Variants in RFX3 observed in about 807,000 individuals in gnomAD.
The protein encoded by RFX3 is regulatory factor X3, also known as transcription factor RFX3.
A neutral mutation model predicts 98.6 loss-of-function variants in RFX3; 14 were observed. The observed-to-expected ratio is 0.14, with a 90% CI of 0.09 to 0.22. The LOEUF (loss-of-function observed/expected upper bound fraction) is 0.22, where lower values mean the gene tolerates loss of function less well. Among genes scored for constraint, RFX3 ranks in the 10% least tolerant of loss-of-function variants. The pLI, the probability that RFX3 is intolerant of heterozygous loss-of-function variation, is 1.00. For synonymous variants in RFX3, 383 were observed against 328.4 expected (o/e 1.17, Z -1.80); for missense variants, 639 against 926.9 (o/e 0.69, Z 4.03).
At chr9:3,233,347 TGA>T (rs1358300930) in intron 15 of RFX3, among the ~76,000 whole-genome samples, 2 of 152,184 alleles carry the variant, frequency 1.3e-5, no homozygotes, top group Non-Finnish European at 2.9e-5. Context: ...CTGAGCATAC[TGA>T]GAGGAACCTG....
chr9:3,410,095 A>C (rs1254566510), intron 1 of RFX3, among the ~76,000 whole-genome samples: 1 of 150,604 alleles, frequency 6.6e-6, no homozygotes, highest in Admixed American at 6.6e-5. Flanking sequence ...AGACGTTTCC[A>C]AGTCTCTTTC....
intron 1 of RFX3, among the ~76,000 whole-genome samples, chr9:3,491,672 A>T (rs775649866): frequency 6.6e-6 from 1 of 152,114 alleles, no homozygotes; most frequent in Non-Finnish European, 1.5e-5. Context: ...TCACTGTTTC[A>T]TATCTCATTG....
chr9:3,512,364 G>C (rs1476658870), intron 1 of RFX3, among the ~76,000 whole-genome samples: 1 of 151,870 alleles, frequency 6.6e-6, no homozygotes, highest in African/African-American at 2.4e-5. Flanking sequence ...TACTACTCCA[G>C]TGTAAGTTTT....
chr9:3,262,532 T>C (rs1476873429), intron 13 of RFX3, among the ~76,000 whole-genome samples: 4 of 152,280 alleles, frequency 2.6e-5, no homozygotes, highest in Non-Finnish European at 5.9e-5. Flanking sequence ...TTATTAAATA[T>C]ATAAACAATA....
chr9:3,353,791 C>G lies in RFX3; in HGVS notation c.118-7027G>C, dbSNP rs1186852579. Among the ~76,000 whole-genome samples, 3 of 151,830 alleles carry G rather than the reference C, an allele frequency of 2.0e-5. No individual in the cohort carries two copies. In the South Asian group the frequency reaches 6.2e-4, roughly 32 times the overall value. On this transcript the variant is annotated intron_variant, in intron 2 of 16. Coordinates refer to ENST00000617270, the MANE Select transcript of RFX3 (RefSeq NM_001282116.2). ...ATAATGCCTAGCATATAATAAATAA[C>G]AAAATTAGACATATAAAGAAGCAGG...
chr9:3,352,230 TAAAC>T (rs1289183341), intron 2 of RFX3, among the ~76,000 whole-genome samples: 18 of 151,938 alleles, frequency 1.2e-4, no homozygotes, highest in Non-Finnish European at 2.7e-4. Context: ...TATATAAACA[TAAAC>T]AAAATGTGTG....
intron 1 of RFX3, among the ~76,000 whole-genome samples, chr9:3,438,537 ATAG>A (rs1324910213): frequency 3.9e-5 from 6 of 152,110 alleles, no homozygotes; most frequent in Non-Finnish European, 8.8e-5. Flanking sequence ...ATCAAAAATA[ATAG>A]TAGTAAATGC....
At chr9:3,326,966 C>T (rs983519364) in intron 4 of RFX3, among the ~76,000 whole-genome samples, 1 of 152,086 alleles carries the variant, frequency 6.6e-6, no homozygotes, top group African/African-American at 2.4e-5. Context: ...GCTACTATTG[C>T]ACAGTAGGCT....
At chr9:3,286,681 G>A (rs1187060988) in intron 7 of RFX3, among the ~76,000 whole-genome samples, 1 of 151,874 alleles carries the variant, frequency 6.6e-6, no homozygotes, top group Admixed American at 6.6e-5. Flanking sequence ...TCTGCACAAA[G>A]AACAAACTTA....
At chr9:3,428,789 T>G (rs1356152887) in intron 1 of RFX3, among the ~76,000 whole-genome samples, 1 of 152,110 alleles carries the variant, frequency 6.6e-6, no homozygotes, top group East Asian at 1.9e-4. Context: ...TTTTAAAAAT[T>G]TAAAACATTT....
intron 1 of RFX3, among the ~76,000 whole-genome samples, chr9:3,415,084 TTATATATATACTCATATATAAGTA>T (rs923922459): frequency 2.2e-5 from 2 of 91,544 alleles, no homozygotes; most frequent in Non-Finnish European, 3.8e-5. Flanking sequence ...ATATATATTC[TTATATATATACTCATATATAAGTA>T]TATATATATA....
chr9:3,430,249 A>G (rs1469999884), intron 1 of RFX3, among the ~76,000 whole-genome samples: 1 of 152,216 alleles, frequency 6.6e-6, no homozygotes, highest in African/African-American at 2.4e-5. Context: ...AAAGCCTGGA[A>G]TGAAAGATGG....
chr9:3,465,703 T>C (rs1162732080), intron 1 of RFX3, among the ~76,000 whole-genome samples: 1 of 152,000 alleles, frequency 6.6e-6, no homozygotes, highest in Non-Finnish European at 1.5e-5. Context: ...GAGTTTACAG[T>C]ATACAAAGAA....
At chr9:3,385,343 C>G (rs1178004110) in intron 2 of RFX3, among the ~76,000 whole-genome samples, 1 of 152,080 alleles carries the variant, frequency 6.6e-6, no homozygotes, top group African/African-American at 2.4e-5. Flanking sequence ...AATTGTATGT[C>G]TCTAAGAACA....
At chr9:3,419,725 T>C (rs1843283466) in intron 1 of RFX3, among the ~76,000 whole-genome samples, 1 of 152,262 alleles carries the variant, frequency 6.6e-6, no homozygotes, top group Admixed American at 6.5e-5. Context: ...TATAAAATTC[T>C]GTAAATTCTA....
intron 2 of RFX3, among the ~76,000 whole-genome samples, chr9:3,355,052 GATAA>G (rs1386661042): frequency 6.6e-6 from 1 of 151,486 alleles, no homozygotes; most frequent in African/African-American, 2.4e-5. Flanking sequence ...AACACAGACT[GATAA>G]ATACATATTT....
At chr9:3,252,585 AGC>A (rs963975798) in intron 14 of RFX3, among the ~76,000 whole-genome samples, 5 of 152,178 alleles carry the variant, frequency 3.3e-5, no homozygotes, top group African/African-American at 4.8e-5. Flanking sequence ...TTCAAAGAGT[AGC>A]CAGGAGGCTA....
rs1363578716 is a variant in RFX3, at chr9:3,346,622, TTC to T, written c.215+43_215+44del. On this transcript the variant is annotated intron_variant, in intron 3 of 16. Coordinates refer to ENST00000617270, the MANE Select transcript of RFX3 (RefSeq NM_001282116.2). ...GGAGGTGTTCAAAAGTACATTATTT[TTC>T]TCTGAGTGGGGGAATTAAAAAGACT... 6.5e-6 allele frequency: 8 copies of T among 1,223,796 alleles called. No individual in the cohort carries two copies. The African/African-American group carries it at 1.0e-4, about 16-fold the overall frequency. 75.8% of individuals were successfully genotyped at this position (1,223,796 alleles called of 1,614,324 possible). A position where few individuals can be genotyped will look rare whatever the true frequency, so the allele number is the denominator to read the frequency against.
intron 1 of RFX3, among the ~76,000 whole-genome samples, chr9:3,472,010 A>T (rs1008074363): frequency 1.3e-5 from 2 of 152,246 alleles, no homozygotes; most frequent in Non-Finnish European, 2.9e-5. Flanking sequence ...TGGCCTGATG[A>T]GGTCCTGGGA....
Sources: gnomAD v4.1 joint callset for allele counts (sites outside exome capture counted in the v4.1 genomes callset) on GRCh38, gnomAD v4.1.1 for gene constraint, MANE v1.5 for transcripts, NCBI Gene and HGNC (gene_info 2026-07-23, HGNC 2026-07-21) for gene names.